Variants in UHRF1 observed in about 807,000 individuals in gnomAD.
UHRF1 encodes ubiquitin like with PHD and ring finger domains 1, also known as E3 ubiquitin-protein ligase UHRF1.
Under a neutral mutation model 96.5 loss-of-function variants are expected in UHRF1, and 9 were observed. That is an observed-to-expected ratio of 0.09 (90% CI 0.06 to 0.16). The LOEUF (loss-of-function observed/expected upper bound fraction) is 0.16. UHRF1 is among the 10% of genes least tolerant of loss of function. The pLI is 1.00. For synonymous variants in UHRF1, 455 were observed against 469.9 expected (o/e 0.97, Z 0.41); for missense variants, 626 against 1,131.1 (o/e 0.55, Z 6.40).
At chr19:4,933,701 C>G (rs375972241) in intron 5 of UHRF1, among the ~76,000 whole-genome samples, 5 of 152,156 alleles carry the variant, frequency 3.3e-5, no homozygotes, top group Admixed American at 3.3e-4. Context: ...TAAACATACA[C>G]GCCAAACCAC....
At chr19:4,933,536 T>G (rs1366787223) in intron 5 of UHRF1, among the ~76,000 whole-genome samples, 2 of 152,172 alleles carry the variant, frequency 1.3e-5, no homozygotes. Context: ...TTTTCTCTCT[T>G]GTTTGTTTCA....
upstream of UHRF1, chr19:4,909,449 C>T (rs1282257710): frequency 1.5e-5 from 10 of 654,686 alleles, no homozygotes; most frequent in Middle Eastern, 4.7e-4. Context: ...CCCGGCACGG[C>T]CTCCTGCGGC....
At chr19:4,934,936 C>A (rs2033173244) in intron 5 of UHRF1, among the ~76,000 whole-genome samples, 1 of 151,906 alleles carries the variant, frequency 6.6e-6, no homozygotes, top group African/African-American at 2.4e-5. Flanking sequence ...GAGAAACTAT[C>A]TGGATTGTTA....
At chr19:4,932,627 T>TGGGAGGGGCCTCTGCACACTGTC in intron 4 of UHRF1, 114 bp from the exon 5 acceptor site, 5 of 1,111,598 alleles carry the variant, frequency 4.5e-6, no homozygotes, top group Non-Finnish European at 6.6e-6. Context: ...ATAAGCCTGT[T>TGGGAGGGGCCTCTGCACACTGTC]GGGAGGGGCC....
chr19:4,953,249 C>G (rs953295554), intron 13 of UHRF1, among the ~76,000 whole-genome samples: 3 of 152,176 alleles, frequency 2.0e-5, no homozygotes, highest in Admixed American at 6.5e-5. Flanking sequence ...GGCGTCCCCC[C>G]CTTACCAGGG....
chr19:4,952,132 G>A (rs182346267), intron 13 of UHRF1, among the ~76,000 whole-genome samples: 4 of 152,138 alleles, frequency 2.6e-5, no homozygotes, highest in East Asian at 1.9e-4. Context: ...TTGCTCTGTC[G>A]CCCAGGCTGG....
At chr19:4,911,322 G>T (rs1190697172) in intron 2 of UHRF1, among the ~76,000 whole-genome samples, 1 of 152,154 alleles carries the variant, frequency 6.6e-6, no homozygotes. Context: ...CAAAATAATG[G>T]CTAGAGAAAG....
intron 2 of UHRF1, among the ~76,000 whole-genome samples, chr19:4,925,309 C>T (rs895481988): frequency 5.9e-5 from 9 of 152,132 alleles, no homozygotes; most frequent in African/African-American, 9.7e-5. Flanking sequence ...CATCTCCTCC[C>T]GCAGCCCCTG....
At chr19:4,912,145 G>C (rs1269163312) in intron 2 of UHRF1, among the ~76,000 whole-genome samples, 1 of 152,148 alleles carries the variant, frequency 6.6e-6, no homozygotes, top group Non-Finnish European at 1.5e-5. Context: ...TTAAGAATCT[G>C]AGTTAACCCG....
chr19:4,920,188 T>A (rs1470376903), intron 2 of UHRF1, among the ~76,000 whole-genome samples: 1 of 152,170 alleles, frequency 6.6e-6, no homozygotes, highest in Non-Finnish European at 1.5e-5. Flanking sequence ...TTTCAGCACT[T>A]CGGGAGGCTG....
chr19:4,927,362 CAG>C (rs907418198), intron 2 of UHRF1, among the ~76,000 whole-genome samples: 2 of 114,822 alleles, frequency 1.7e-5, no homozygotes, highest in Non-Finnish European at 3.3e-5. Flanking sequence ...CCCTGGGCGA[CAG>C]AGTGAGACTC....
intron 1 of UHRF1, chr19:4,910,591 G>T: frequency 3.1e-6 from 1 of 327,636 alleles, no homozygotes; most frequent in Non-Finnish European, 5.5e-6. Flanking sequence ...CTCTGGTCGT[G>T]GGGAAGGAGG....
intron 16 of UHRF1, 97 bp from the exon 17 acceptor site, chr19:4,960,560 G>C (rs1188072301): frequency 6.6e-7 from 1 of 1,506,492 alleles, no homozygotes. Flanking sequence ...GGGGCCTCTG[G>C]ACCTGGTGAG....
chr19:4,934,234 A>G (rs900068394), intron 5 of UHRF1, among the ~76,000 whole-genome samples: 1 of 151,730 alleles, frequency 6.6e-6, no homozygotes, highest in Non-Finnish European at 1.5e-5. Context: ...GGGTTTCACC[A>G]TGTTGGCCAG....
intron 13 of UHRF1, among the ~76,000 whole-genome samples, chr19:4,953,274 TC>T (rs2033767640): frequency 2.0e-5 from 3 of 152,126 alleles, no homozygotes; most frequent in African/African-American, 7.2e-5. Context: ...ACTTCGAAGG[TC>T]CTCAGCACAT....
At chr19:4,936,817 AAG>A (rs1298287814) in intron 5 of UHRF1, among the ~76,000 whole-genome samples, 2 of 151,786 alleles carry the variant, frequency 1.3e-5, no homozygotes, top group African/African-American at 2.4e-5. Context: ...AAAAAAAAAA[AAG>A]TGAAAAGAAA....
chr19:4,953,451 C>T (rs2033772065), intron 13 of UHRF1, among the ~76,000 whole-genome samples: 1 of 152,140 alleles, frequency 6.6e-6, no homozygotes, highest in Non-Finnish European at 1.5e-5. Flanking sequence ...CATCCCTACT[C>T]TTGCACTTTG....
intron 2 of UHRF1, among the ~76,000 whole-genome samples, chr19:4,928,908 A>G (rs2032956958): frequency 6.6e-6 from 1 of 152,198 alleles, no homozygotes; most frequent in Admixed American, 6.5e-5. Context: ...AGCACGAAGT[A>G]TTAGGAAAAA....
At chr19:4,905,184 T>G (rs1263625616), upstream of UHRF1, among the ~76,000 whole-genome samples, 2 of 144,600 alleles carry the variant, frequency 1.4e-5, no homozygotes, top group Non-Finnish European at 3.0e-5. Flanking sequence ...TGGTGTGATC[T>G]CGGCTCACTG....
Sources: gnomAD v4.1 joint callset for allele counts (sites outside exome capture counted in the v4.1 genomes callset) on GRCh38, gnomAD v4.1.1 for gene constraint, MANE v1.5 for transcripts, NCBI Gene and HGNC (gene_info 2026-07-23, HGNC 2026-07-21) for gene names.